Variants in ZFPM2 observed in about 807,000 individuals in gnomAD.
The protein encoded by ZFPM2 is zinc finger protein ZFPM2.
ZFPM2 carries 20 observed loss-of-function variants against 98.6 expected under a neutral mutation model. The ratio of observed to expected loss-of-function variants is 0.20; its 90% CI spans 0.14 to 0.29. The LOEUF (loss-of-function observed/expected upper bound fraction) is 0.29, where lower values mean the gene tolerates loss of function less well. ZFPM2 is among the 10% of genes least tolerant of loss of function. The pLI, the probability that ZFPM2 is intolerant of heterozygous loss-of-function variation, is 1.00. For missense variants in ZFPM2, 1,310 were observed against 1,388.6 expected, an observed-to-expected ratio of 0.94 and a Z score of 0.90; for synonymous variants, 518 against 502.7, an observed-to-expected ratio of 1.03 and a Z score of -0.41.
chr8:105,755,631 C>A (rs183021730), intron 5 of ZFPM2, among the ~76,000 whole-genome samples: 4 of 152,120 alleles, frequency 2.6e-5, no homozygotes, highest in African/African-American at 7.2e-5. Flanking sequence ...TTTGTTGGTA[C>A]AACTATATAC....
intron 3 of ZFPM2, 38 bp downstream of exon 3, chr8:105,444,419 C>G: frequency 1.3e-6 from 2 of 1,486,912 alleles, no homozygotes; most frequent in East Asian, 2.4e-5. Flanking sequence ...GTCTTTAGTA[C>G]TGTTAGAAAT....
intron 5 of ZFPM2, among the ~76,000 whole-genome samples, chr8:105,721,601 G>A (rs1034726225): frequency 1.3e-5 from 2 of 151,898 alleles, no homozygotes; most frequent in Non-Finnish European, 2.9e-5. Flanking sequence ...ATTGTTGCCA[G>A]GTTACAGTTT....
Position 105,344,877 on chromosome 8 carries a change from A to G in ZFPM2, c.40+25896A>G, listed in dbSNP as rs368838044. On this transcript the variant is annotated intron_variant, in intron 1 of 7. Transcript: ENST00000407775. ...ATCATTAAAACTAATATACAATACAATATTTTTACAACTTTATATGCGTGG... is the reference window on the plus strand; with the variant it reads ...ATCATTAAAACTAATATACAATACAGTATTTTTACAACTTTATATGCGTGG... Among the ~76,000 whole-genome samples the G allele has an allele frequency of 3.9e-5, 6 of 152,260 alleles. No individual in the cohort carries two copies. In the East Asian group the frequency reaches 1.2e-3, roughly 29 times the overall value.
At chr8:105,677,498 C>A (rs1192453899) in intron 5 of ZFPM2, among the ~76,000 whole-genome samples, 5 of 152,032 alleles carry the variant, frequency 3.3e-5, no homozygotes, top group Admixed American at 6.6e-5. Context: ...TTAAACAATT[C>A]TCTTCAACAA....
Position 105,414,317 on chromosome 8 carries a change from A to G in ZFPM2, c.41-4827A>G, listed in dbSNP as rs569400977. ...CTATTAATACATGATAATGTATATT[A>G]ATTTTTGTAGAACTTAATTTCATCT... On this transcript the variant is annotated intron_variant, in intron 1 of 7. Coordinates refer to ENST00000407775, the MANE Select transcript of ZFPM2 (RefSeq NM_012082.4). 5.9e-5 allele frequency among the ~76,000 whole-genome samples: 9 copies of G among 152,084 alleles called. No individual in the cohort carries two copies. In the East Asian group the frequency reaches 1.4e-3, roughly 23 times the overall value.
chr8:105,749,836 C>T (rs1317326574), intron 5 of ZFPM2, among the ~76,000 whole-genome samples: 1 of 151,744 alleles, frequency 6.6e-6, no homozygotes, highest in Non-Finnish European at 1.5e-5. Flanking sequence ...ATTTAGCTAT[C>T]CAGGAATATG....
chr8:105,519,295 G>C (rs1159813793), intron 3 of ZFPM2, among the ~76,000 whole-genome samples: 3 of 152,032 alleles, frequency 2.0e-5, no homozygotes, highest in Admixed American at 1.3e-4. Context: ...ATTTTATATG[G>C]TTTTGATAAT....
intron 4 of ZFPM2, among the ~76,000 whole-genome samples, chr8:105,575,923 G>C (rs1004769235): frequency 2.1e-4 from 32 of 152,134 alleles, no homozygotes; most frequent in African/African-American, 7.5e-4. Context: ...GGAGCCTAAT[G>C]TACCTTTGTT....
intron 5 of ZFPM2, among the ~76,000 whole-genome samples, chr8:105,704,553 G>T (rs951147532): frequency 6.6e-5 from 10 of 152,160 alleles, no homozygotes; most frequent in African/African-American, 2.2e-4. Flanking sequence ...CCTTAGGAAG[G>T]AATATTATCA....
At chr8:105,446,011 C>T (rs1459890007) in intron 3 of ZFPM2, among the ~76,000 whole-genome samples, 1 of 151,870 alleles carries the variant, frequency 6.6e-6, no homozygotes, top group Non-Finnish European at 1.5e-5. Flanking sequence ...ACCTCCGCTT[C>T]CCAAGTTAAA....
chr8:105,717,393 G>A (rs984225428), intron 5 of ZFPM2, among the ~76,000 whole-genome samples: 9 of 151,898 alleles, frequency 5.9e-5, no homozygotes, highest in African/African-American at 2.2e-4. Context: ...CATTATTTCT[G>A]CAAGACCTAG....
intron 5 of ZFPM2, among the ~76,000 whole-genome samples, chr8:105,689,011 A>G (rs527357626): frequency 6.6e-6 from 1 of 152,226 alleles, no homozygotes; most frequent in South Asian, 2.1e-4. Flanking sequence ...CCTTTCTTCC[A>G]TCCTTCATAT....
At chr8:105,400,786 T>C (rs1231393096) in intron 1 of ZFPM2, among the ~76,000 whole-genome samples, 1 of 152,048 alleles carries the variant, frequency 6.6e-6, no homozygotes, top group East Asian at 1.9e-4. Flanking sequence ...TAAATATAAA[T>C]TAATTAAAAT....
chr8:105,439,290 G>T (rs2130182910), intron 2 of ZFPM2, among the ~76,000 whole-genome samples: 1 of 152,240 alleles, frequency 6.6e-6, no homozygotes, highest in Non-Finnish European at 1.5e-5. Flanking sequence ...ATGGTTGTTT[G>T]TTAATGGGTT....
intron 3 of ZFPM2, among the ~76,000 whole-genome samples, chr8:105,533,783 C>T (rs1217322385): frequency 7.8e-5 from 6 of 76,754 alleles, no homozygotes; most frequent in South Asian, 7.4e-4. Flanking sequence ...CTTCCTTCCT[C>T]CCTCCCTCCC....
At chr8:105,353,752 A>C (rs887968910) in intron 1 of ZFPM2, among the ~76,000 whole-genome samples, 1 of 152,200 alleles carries the variant, frequency 6.6e-6, no homozygotes, top group Non-Finnish European at 1.5e-5. Flanking sequence ...AACGTTTATC[A>C]TTAGAACTCC....
At chr8:105,490,755 A>T (rs1218449946) in intron 3 of ZFPM2, among the ~76,000 whole-genome samples, 3 of 152,190 alleles carry the variant, frequency 2.0e-5, no homozygotes, top group Non-Finnish European at 2.9e-5. Flanking sequence ...ATGGCTGAGT[A>T]AATAAGTGCT....
chr8:105,422,026 G>A (rs1290674418), intron 2 of ZFPM2, among the ~76,000 whole-genome samples: 3 of 125,552 alleles, frequency 2.4e-5, no homozygotes, highest in East Asian at 4.4e-4. Flanking sequence ...TAGCCTGTGC[G>A]ACGGGAGCGA....
intron 5 of ZFPM2, chr8:105,780,438 C>G (rs1365233746): frequency 6.6e-6 from 1 of 152,134 alleles, no homozygotes; most frequent in African/African-American, 2.4e-5. Context: ...CATTGTAAAA[C>G]TAAATATAAT....
Sources: gnomAD v4.1 joint callset for allele counts (sites outside exome capture counted in the v4.1 genomes callset) on GRCh38, gnomAD v4.1.1 for gene constraint, MANE v1.5 for transcripts, NCBI Gene and HGNC (gene_info 2026-07-23, HGNC 2026-07-21) for gene names.